The following KCNH8 variants were observed in gnomAD, a reference collection of about 807,000 sequenced individuals.
The protein encoded by KCNH8 is voltage-gated delayed rectifier potassium channel KCNH8.
Under a neutral mutation model 103.6 loss-of-function variants are expected in KCNH8, and 70 were observed. The ratio of observed to expected loss-of-function variants is 0.68; its 90% CI spans 0.56 to 0.82. The LOEUF is 0.82. Ranked by LOEUF, KCNH8 falls within the 40% of genes least tolerant of loss-of-function variation. KCNH8 has a pLI of 0.00. For synonymous variants in KCNH8, 498 were observed against 489.4 expected (o/e 1.02, Z -0.23); for missense variants, 1,217 against 1,329.9 (o/e 0.92, Z 1.32).
chr3:19,453,860 A>G (rs1388084929), intron 10 of KCNH8, among the ~76,000 whole-genome samples: 2 of 152,188 alleles, frequency 1.3e-5, no homozygotes, highest in African/African-American at 4.8e-5. Flanking sequence ...AGACTAAGAC[A>G]GTATGATTAT....
At chr3:19,291,328 G>T (rs1479673020) in intron 3 of KCNH8, among the ~76,000 whole-genome samples, 2 of 152,038 alleles carry the variant, frequency 1.3e-5, no homozygotes, top group Non-Finnish European at 2.9e-5. Flanking sequence ...TCTTTTAATT[G>T]TGATGTTAGG....
chr3:19,302,779 A>G (rs1042399267), intron 3 of KCNH8, among the ~76,000 whole-genome samples: 2 of 152,126 alleles, frequency 1.3e-5, no homozygotes, highest in African/African-American at 2.4e-5. Flanking sequence ...AGTTCATTCT[A>G]TTTCTCTTGA....
chr3:19,244,429 T>C (rs879779465), intron 1 of KCNH8, among the ~76,000 whole-genome samples: 1 of 152,154 alleles, frequency 6.6e-6, no homozygotes, highest in Non-Finnish European at 1.5e-5. Flanking sequence ...TTTGTTTTTG[T>C]TTTTTGTTGT....
intron 7 of KCNH8, among the ~76,000 whole-genome samples, chr3:19,411,486 A>G (rs1174112992): frequency 1.3e-5 from 2 of 152,010 alleles, no homozygotes; most frequent in Non-Finnish European, 1.5e-5. Flanking sequence ...CCCACCTTCT[A>G]TTCAGCATAG....
intron 7 of KCNH8, among the ~76,000 whole-genome samples, chr3:19,437,935 T>C (rs2067225294): frequency 6.6e-6 from 1 of 152,206 alleles, no homozygotes; most frequent in African/African-American, 2.4e-5. Context: ...CAATCCACTC[T>C]GGAATTCATA....
chr3:19,374,883 A>G (rs1045920109), intron 5 of KCNH8, among the ~76,000 whole-genome samples: 1 of 152,144 alleles, frequency 6.6e-6, no homozygotes, highest in African/African-American at 2.4e-5. Flanking sequence ...TTGGCTGGAT[A>G]TGAAATTCTG....
In KCNH8 at chr3:19,234,188, G is replaced by C. The variant is rs182316196; in HGVS notation, c.77-19466G>C. ...TGCGCTAGACACAAAGGTTCTCCAC[G>C]TCCCTACCAGACTCAGGAGCCCAGC... On this transcript the variant is annotated intron_variant, in intron 1 of 15. Transcript: ENST00000328405. Among the ~76,000 whole-genome samples the C allele has an allele frequency of 4.2e-3, 644 of 152,308 alleles. 5 individuals carry two copies. The highest frequency in any genetic ancestry group is 6.5e-3 in the Non-Finnish European group (441 of 68,024).
intron 11 of KCNH8, among the ~76,000 whole-genome samples, chr3:19,495,951 T>C (rs1268927433): frequency 6.6e-6 from 1 of 152,080 alleles, no homozygotes; most frequent in Non-Finnish European, 1.5e-5. Flanking sequence ...ATTTTACCCT[T>C]TTTGTGGCAA....
At chr3:19,189,044 T>A (rs2063527732) in intron 1 of KCNH8, among the ~76,000 whole-genome samples, 1 of 152,090 alleles carries the variant, frequency 6.6e-6, no homozygotes. Flanking sequence ...AATAAACTGC[T>A]TCTAAAACCC....
chr3:19,401,368 C>T (rs1005409381), intron 7 of KCNH8, among the ~76,000 whole-genome samples: 1 of 152,024 alleles, frequency 6.6e-6, no homozygotes, highest in Non-Finnish European at 1.5e-5. Context: ...CAATCCCCAA[C>T]ACATCTGCAA....
chr3:19,258,905 T>TTCTCTCTCTCTC (rs755488116), intron 2 of KCNH8, among the ~76,000 whole-genome samples: 18 of 43,074 alleles, frequency 4.2e-4, no homozygotes, highest in South Asian at 1.0e-3. Context: ...TATTTTCTGT[T>TTCTCTCTCTCTC]TCTCTCTCTC....
chr3:19,235,168 T>G (rs937468691), intron 1 of KCNH8, among the ~76,000 whole-genome samples: 1 of 152,190 alleles, frequency 6.6e-6, no homozygotes, highest in Non-Finnish European at 1.5e-5. Flanking sequence ...CTTGCTTTGC[T>G]TAAAGTCACA....
rs143776598 is a variant in KCNH8, at chr3:19,439,041, A to C, written c.1375+680A>C. 6.2e-3 allele frequency among the ~76,000 whole-genome samples: 937 copies of C among 152,300 alleles called. 10 individuals are homozygous for C. Among genetic ancestry groups the C allele is most frequent in the African/African-American group, 0.02 (840 of 41,568 alleles). On this transcript the variant is annotated intron_variant, in intron 8 of 15. Transcript: ENST00000328405. ...TCATTTAGATGTGAATTGTATTTTC[A>C]GTCTTCGCACTTCTCTCCCTAGGCA...
chr3:19,184,891 A>G (rs1018551084), intron 1 of KCNH8, among the ~76,000 whole-genome samples: 2 of 151,968 alleles, frequency 1.3e-5, no homozygotes, highest in Admixed American at 6.6e-5. Flanking sequence ...AGTCTTTTAT[A>G]TCCAGTTTCT....
At position 19,166,888 on chromosome 3, in the gene KCNH8, A is replaced by C. The variant is rs1454778445; in HGVS notation, c.76+18093A>C. ...GTCATCAATGTGAGCTATTTGACCCAAGGTGACAAGGCCACTAGTGGTTAG... is the reference window on the plus strand; with the variant it reads ...GTCATCAATGTGAGCTATTTGACCCCAGGTGACAAGGCCACTAGTGGTTAG... On this transcript the variant is annotated intron_variant, in intron 1 of 15. Coordinates refer to ENST00000328405, the MANE Select transcript of KCNH8 (RefSeq NM_144633.3). Among the ~76,000 whole-genome samples, 3 of 152,336 alleles carry C rather than the reference A, an allele frequency of 2.0e-5. No individual in the cohort carries two copies. The East Asian group carries it at 5.8e-4, about 29-fold the overall frequency.
rs1201463796 is a variant in KCNH8 at position 19,475,112 on chromosome 3, GC to G, written c.2040+18131del. 7.9e-5 allele frequency among the ~76,000 whole-genome samples: 12 copies of G among 152,258 alleles called. No homozygotes were observed. In the East Asian group the frequency reaches 2.3e-3, roughly 29 times the overall value. On this transcript the variant is annotated intron_variant, in intron 11 of 15. Coordinates refer to ENST00000328405, the MANE Select transcript of KCNH8 (RefSeq NM_144633.3). ...CACAGTTTGATCCAAAAGATTGGAA[GC>G]TTAAAGGGCCAGAATTGCACAAATT...
At chr3:19,189,539 G>A (rs897066433) in intron 1 of KCNH8, among the ~76,000 whole-genome samples, 4 of 151,810 alleles carry the variant, frequency 2.6e-5, no homozygotes, top group African/African-American at 9.7e-5. Flanking sequence ...TTTTTAGAAG[G>A]TCATAGTATG....
At chr3:19,379,723 A>G (rs955061424) in intron 5 of KCNH8, among the ~76,000 whole-genome samples, 9 of 152,214 alleles carry the variant, frequency 5.9e-5, no homozygotes, top group African/African-American at 2.2e-4. Flanking sequence ...TGCTAGTGAC[A>G]GCCAAATATC....
At chr3:19,262,624 C>G (rs533948993) in intron 2 of KCNH8, among the ~76,000 whole-genome samples, 1 of 152,092 alleles carries the variant, frequency 6.6e-6, no homozygotes, top group South Asian at 2.1e-4. Context: ...CAAAAGATGT[C>G]ATGCCCACCC....
Sources: gnomAD v4.1 joint callset for allele counts (sites outside exome capture counted in the v4.1 genomes callset) on GRCh38, gnomAD v4.1.1 for gene constraint, MANE v1.5 for transcripts, NCBI Gene and HGNC (gene_info 2026-07-23, HGNC 2026-07-21) for gene names.